NOL9: variants seen among roughly 807,000 people sequenced by gnomAD.
The protein encoded by NOL9 is polynucleotide 5'-hydroxyl-kinase NOL9.
Under a neutral mutation model 67.9 loss-of-function variants are expected in NOL9, and 28 were observed. That is an observed-to-expected ratio of 0.41 (90% confidence interval 0.31 to 0.57). The LOEUF is 0.57. Among genes scored for constraint, NOL9 ranks in the 20% least tolerant of loss-of-function variants. The pLI is 0.25. For synonymous variants in NOL9, 356 were observed against 352.2 expected, an observed-to-expected ratio of 1.01 and a Z score of -0.12; for missense variants, 777 against 897.0, an observed-to-expected ratio of 0.87 and a Z score of 1.71.
chr1:6,530,680 G>A (rs1274210567), intron 9 of NOL9, among the ~76,000 whole-genome samples: 1 of 152,200 alleles, frequency 6.6e-6, no homozygotes, highest in Non-Finnish European at 1.5e-5. Flanking sequence ...CAGGTCTGCC[G>A]CTTCAGCCTA....
At chr1:6,553,646 C>T (rs12029979) in intron 1 of NOL9, among the ~76,000 whole-genome samples, 23,250 of 151,676 alleles carry the variant, frequency 0.15, 2,118 homozygotes, top group African/African-American at 0.26. Flanking sequence ...TCGAGACTAT[C>T]CTGGCTAACA....
At chr1:6,542,875 A>G (rs1273420788) in intron 5 of NOL9, among the ~76,000 whole-genome samples, 1 of 151,970 alleles carries the variant, frequency 6.6e-6, no homozygotes, top group African/African-American at 2.4e-5. Flanking sequence ...TACAGGCATG[A>G]GCTAACACTC....
At chr1:6,552,258 A>G (rs1327544370) in intron 1 of NOL9, among the ~76,000 whole-genome samples, 2 of 152,066 alleles carry the variant, frequency 1.3e-5, no homozygotes, top group Non-Finnish European at 2.9e-5. Flanking sequence ...ATAAATCTGC[A>G]CACCCTGCGT....
intron 6 of NOL9, 93 bp downstream of exon 6, chr1:6,541,737 A>G: frequency 4.6e-6 from 3 of 658,032 alleles, no homozygotes; most frequent in Non-Finnish European, 7.2e-6. Flanking sequence ...TTCCCTTTTA[A>G]TATTTTATAC....
At chr1:6,527,930 C>T (rs951553684) in intron 10 of NOL9, among the ~76,000 whole-genome samples, 24 of 151,114 alleles carry the variant, frequency 1.6e-4, no homozygotes, top group Admixed American at 1.2e-3. Context: ...GACTCCGTCT[C>T]GGAAAAAAAA....
At chr1:6,542,141 G>A (rs971868033) in intron 5 of NOL9, among the ~76,000 whole-genome samples, 4 of 144,176 alleles carry the variant, frequency 2.8e-5, no homozygotes, top group Non-Finnish European at 6.0e-5. Context: ...TTTGTAACAC[G>A]GATAACAACT....
Position 6,532,049 on chromosome 1 carries a change from C to A in NOL9, c.1566G>T (p.Leu522=). 6.2e-7 allele frequency: 1 copy of A among 1,614,158 alleles called. No individual in the cohort carries two copies. Among genetic ancestry groups the A allele is most frequent in the Non-Finnish European group, 8.5e-7 (1 of 1,180,028 alleles). The part of the protein sequence containing the change: ...RESHNKILRD[L]SILSYLSQLQ... ...GCTGGCTAAGGTAACTCAAGATGGA[C>A]AGATCTCGAAGAATTTTGTTATGTG... The change falls in exon 9 of 12, where the codon CTG becomes CTT. Residue 522 remains leucine (L), a synonymous_variant. Coordinates refer to ENST00000377705, the MANE Select transcript of NOL9 (RefSeq NM_024654.5).
intron 6 of NOL9, among the ~76,000 whole-genome samples, chr1:6,535,776 A>T (rs1055046744): frequency 1.2e-4 from 18 of 152,048 alleles, no homozygotes; most frequent in African/African-American, 4.3e-4. Flanking sequence ...AAAATACAAA[A>T]AATTAGCCAG....
rs1310776688 is a variant in NOL9 at position 6,541,911 on chromosome 1, A to G, written c.994T>C (p.Tyr332His). The part of the protein sequence containing the change: ...HLLNSLPCVD[Y>H]LECDLGQTEF... ...GTCTGTCCCAGATCACATTCCAAAT[A>G]GTCAACGCAGGGAAGACTGCAAATT... The change falls in exon 6 of 12, where the codon TAT becomes CAT. Residue 332 changes from tyrosine (Y) to histidine (H), a missense_variant. By Grantham distance (83) the Tyr-to-His change is moderately conservative (BLOSUM62 2). Around this residue, in one of 2 missense-constraint regions of NOL9, gnomAD observed 413 missense variants for 552.6 expected, o/e 0.75. Coordinates refer to ENST00000377705, the MANE Select transcript of NOL9 (RefSeq NM_024654.5). 2 of 1,603,104 alleles carry G rather than the reference A, an allele frequency of 1.2e-6. No individual in the cohort carries two copies. Among genetic ancestry groups the G allele is most frequent in the Non-Finnish European group, 1.7e-6 (2 of 1,176,356 alleles).
At chr1:6,535,547 C>T (rs557224653) in intron 6 of NOL9, among the ~76,000 whole-genome samples, 3 of 152,254 alleles carry the variant, frequency 2.0e-5, no homozygotes, top group East Asian at 1.9e-4. Flanking sequence ...CAGGGCAGAG[C>T]GGCTGCTTAT....
In NOL9 at chr1:6,548,233, C is replaced by T. The variant is rs908890815; in HGVS notation, c.744+1338G>A. 7 of 153,244 alleles carry T rather than the reference C, an allele frequency of 4.6e-5. No individual in the cohort carries two copies. In the East Asian group the frequency reaches 7.7e-4, roughly 17 times the overall value. The allele number at this position is 153,244 out of a possible 1,614,324, so 9.5% of individuals were successfully genotyped here. On this transcript the variant is annotated intron_variant, in intron 3 of 11. Transcript: ENST00000377705. Reference sequence around the variant, plus strand: ...CGCAATCTCAGCTCACTGCAACCTGCGCCTCCCAGGTTCCATCGATTCTCC... The same window carrying T: ...CGCAATCTCAGCTCACTGCAACCTGTGCCTCCCAGGTTCCATCGATTCTCC...
At position 6,524,908 on chromosome 1, in the gene NOL9, T is replaced by G. The variant is rs1158377091; in HGVS notation, c.*946A>C. ...GCGCCCACCACCACGCCCAGCTAGTTTTTTGTATTTTTAGTAGAGACGGAG... is the reference window on the plus strand; with the variant it reads ...GCGCCCACCACCACGCCCAGCTAGTGTTTTGTATTTTTAGTAGAGACGGAG... On this transcript the variant is annotated 3_prime_UTR_variant, in exon 12 of 12. Coordinates refer to ENST00000377705, the MANE Select transcript of NOL9 (RefSeq NM_024654.5). 1.3e-5 allele frequency: 2 copies of G among 151,876 alleles called. No homozygotes were observed. Among genetic ancestry groups the G allele is most frequent in the Admixed American group, 1.3e-4 (2 of 15,236 alleles). The allele number at this position is 151,876 out of a possible 1,614,324, so 9.4% of individuals were successfully genotyped here. A position where few individuals can be genotyped will look rare whatever the true frequency, so the allele number is the denominator to read the frequency against.
intron 1 of NOL9, among the ~76,000 whole-genome samples, chr1:6,552,552 A>G (rs1423756630): frequency 2.0e-5 from 3 of 151,620 alleles, no homozygotes; most frequent in Admixed American, 1.3e-4. Flanking sequence ...CCTCCAGAGT[A>G]GCTGGGATTA....
chr1:6,525,838 A>G lies in NOL9; in HGVS notation c.*16T>C. ...TTCTGGTAGGAAAGTTTCTTCCCTT[A>G]TTAAAAACGCGAGCATCACTTCATT... On this transcript the variant is annotated 3_prime_UTR_variant, in exon 12 of 12. Transcript: ENST00000377705. The G allele has an allele frequency of 6.2e-7, 1 of 1,613,426 alleles. No homozygotes were observed. The highest frequency in any genetic ancestry group is 8.5e-7 in the Non-Finnish European group (1 of 1,179,642).
intron 3 of NOL9, chr1:6,549,297 C>G (rs972576382): frequency 2.7e-5 from 7 of 260,430 alleles, no homozygotes; most frequent in African/African-American, 1.3e-4. Flanking sequence ...ACCAAAAAAG[C>G]AGGGCTGGAG....
At chr1:6,528,629 C>A (rs1339874785) in intron 10 of NOL9, among the ~76,000 whole-genome samples, 3 of 152,192 alleles carry the variant, frequency 2.0e-5, no homozygotes, top group African/African-American at 7.2e-5. Context: ...AAGATGCACA[C>A]TGACAAGATG....
Position 6,550,535 on chromosome 1 carries a change from G to C in NOL9, c.477C>G (p.Gly159=). The change falls in exon 2 of 12, where the codon GGC becomes GGG. Residue 159 remains glycine (G), a synonymous_variant. Transcript: ENST00000377705. ...VQVFGFTISQ[G]QPAQDIFSVY... is the part of the protein sequence containing the mutation. ...CAGAGAAGATGTCTTGGGCAGGCTG[G>C]CCTTGGCTGATGGTAAAACCAAATA... 6.2e-7 allele frequency: 1 copy of C among 1,614,106 alleles called. No individual in the cohort carries two copies. Among genetic ancestry groups the C allele is most frequent in the Non-Finnish European group, 8.5e-7 (1 of 1,180,022 alleles).
chr1:6,526,466 A>G (rs773980549), intron 11 of NOL9, among the ~76,000 whole-genome samples: 9 of 152,204 alleles, frequency 5.9e-5, no homozygotes, highest in East Asian at 1.9e-4. Flanking sequence ...TAAAGGCTCC[A>G]CCACGGGTTG....
At chr1:6,537,639 T>C (rs1304128067) in intron 6 of NOL9, among the ~76,000 whole-genome samples, 2 of 152,126 alleles carry the variant, frequency 1.3e-5, no homozygotes, top group Non-Finnish European at 1.5e-5. Context: ...GACAGACATG[T>C]ACACTGATGA....
Sources: gnomAD v4.1 joint callset for allele counts (sites outside exome capture counted in the v4.1 genomes callset) on GRCh38, gnomAD v4.1.1 for gene constraint, gnomAD v4.1.1 regional missense constraint, MANE v1.5 for transcripts, NCBI Gene and HGNC (gene_info 2026-07-23, HGNC 2026-07-21) for gene names.